Variants in ASXL3 observed in about 807,000 individuals in gnomAD.
The protein encoded by ASXL3 is ASXL transcriptional regulator 3, also known as putative Polycomb group protein ASXL3.
A neutral mutation model predicts 170.6 loss-of-function variants in ASXL3; 34 were observed. The ratio of observed to expected loss-of-function variants is 0.20; its 90% CI spans 0.15 to 0.27. The LOEUF (loss-of-function observed/expected upper bound fraction) is 0.27. ASXL3 is among the 10% of genes least tolerant of loss of function. ASXL3 has a pLI of 1.00. For synonymous variants in ASXL3, 1,002 were observed against 989.1 expected (o/e 1.01, Z -0.24); for missense variants, 2,592 against 2,695.3 (o/e 0.96, Z 0.85).
Position 33,740,068 on chromosome 18 carries a change from A to C in ASXL3, c.2664A>C (p.Glu888Asp), listed in dbSNP as rs754462143. 6.2e-7 allele frequency: 1 copy of C among 1,613,886 alleles called. No homozygotes were observed. Among genetic ancestry groups the C allele is most frequent in the African/African-American group, 1.3e-5 (1 of 74,944 alleles). ...CATTGGAATTATCTGTCTTTTCTGA[A>C]GGGACAGATAATAAGGGAAATGAGC... ...PSPLELSVFS[E>D]GTDNKGNELP... Residue 888 changes from glutamate to aspartate, a missense_variant, in exon 11 of 12, where the codon GAA becomes GAC. Glu to Asp is a conservative substitution (Grantham distance 45). This residue lies in a region of ASXL3 where 2,246 missense variants were observed against 2,219.6 expected (regional missense o/e 1.01). Transcript: ENST00000269197.
intron 8 of ASXL3, among the ~76,000 whole-genome samples, chr18:33,714,789 T>C (rs948443263): frequency 6.6e-6 from 1 of 152,022 alleles, no homozygotes; most frequent in African/African-American, 2.4e-5. Flanking sequence ...GAATTCATAC[T>C]AGGGGAAGGA....
At chr18:33,735,991 G>C (rs2067539138) in intron 10 of ASXL3, among the ~76,000 whole-genome samples, 2 of 103,236 alleles carry the variant, frequency 1.9e-5, no homozygotes, top group African/African-American at 9.5e-5. Context: ...GTGTTTCTAA[G>C]AGCTTTGCAA....
intron 2 of ASXL3, among the ~76,000 whole-genome samples, chr18:33,632,014 T>C (rs898849809): frequency 1.2e-4 from 19 of 152,134 alleles, no homozygotes; most frequent in Non-Finnish European, 2.9e-5. Context: ...GTTCAGGAGT[T>C]GGTATATTGA....
At chr18:33,675,897 C>T (rs1032936990) in intron 7 of ASXL3, among the ~76,000 whole-genome samples, 4 of 151,930 alleles carry the variant, frequency 2.6e-5, no homozygotes, top group African/African-American at 9.7e-5. Context: ...TCCTCAATCT[C>T]AATTTTAAAT....
intron 2 of ASXL3, 94 bp downstream of exon 2, chr18:33,607,770 A>T: frequency 1.0e-6 from 1 of 953,422 alleles, no homozygotes; most frequent in Non-Finnish European, 1.6e-6. Context: ...TTGATATTGT[A>T]GTTGATTGTG....
At chr18:33,727,819 T>C (rs1013857801) in intron 8 of ASXL3, among the ~76,000 whole-genome samples, 17 of 152,220 alleles carry the variant, frequency 1.1e-4, no homozygotes, top group African/African-American at 3.1e-4. Context: ...TAAAACACTT[T>C]ATTGGCATTT....
rs1242113626 is a variant in ASXL3 at position 33,747,422 on chromosome 18, A to C, written c.*827A>C. The C allele has an allele frequency of 6.6e-6, 1 of 152,130 alleles. No individual in the cohort carries two copies. Among genetic ancestry groups the C allele is most frequent in the East Asian group, 1.9e-4 (1 of 5,200 alleles). 9.4% of individuals were successfully genotyped at this position (152,130 alleles called of 1,614,324 possible). On this transcript the variant is annotated 3_prime_UTR_variant, in exon 12 of 12. Transcript: ENST00000269197. Reference sequence around the variant, plus strand: ...TTTTAAGAGCAGGTTTGAAAAAAAAAAAAAAAAGACCCTAAACTTCAAAGC... The same window carrying C: ...TTTTAAGAGCAGGTTTGAAAAAAAACAAAAAAAGACCCTAAACTTCAAAGC...
Position 33,584,786 on chromosome 18 carries a change from CTA to C in ASXL3, c.54+6104_54+6105del, listed in dbSNP as rs2065022331. Among the ~76,000 whole-genome samples the C allele has an allele frequency of 4.6e-5, 7 of 152,212 alleles. No individual in the cohort carries two copies. In the South Asian group the frequency reaches 1.5e-3, roughly 32 times the overall value. ...GATACACCCAATATCATCATCCTGT[CTA>C]TAAAAGCAAGGCTGGGACAATATAT... On this transcript the variant is annotated intron_variant, in intron 1 of 11. Transcript: ENST00000269197.
At chr18:33,641,535 T>C (rs2065847178) in intron 2 of ASXL3, among the ~76,000 whole-genome samples, 1 of 152,108 alleles carries the variant, frequency 6.6e-6, no homozygotes. Flanking sequence ...TTATATTTAT[T>C]ATATAGAAAT....
At chr18:33,708,725 A>G (rs1438624443) in intron 8 of ASXL3, among the ~76,000 whole-genome samples, 3 of 152,318 alleles carry the variant, frequency 2.0e-5, no homozygotes, top group Middle Eastern at 3.4e-3. Context: ...AAATGGTTCC[A>G]GGAGGAAAAA....
intron 5 of ASXL3, among the ~76,000 whole-genome samples, chr18:33,662,257 G>A (rs977119391): frequency 2.0e-5 from 3 of 152,182 alleles, no homozygotes; most frequent in Non-Finnish European, 2.9e-5. Flanking sequence ...CACAGAGGCA[G>A]TACGGGCCTT....
At chr18:33,705,983 A>C (rs577649625) in intron 8 of ASXL3, among the ~76,000 whole-genome samples, 1 of 151,850 alleles carries the variant, frequency 6.6e-6, no homozygotes, top group African/African-American at 2.4e-5. Context: ...TGAACTTTAT[A>C]TACTGGAATC....
chr18:33,658,798 C>G (rs2066124645), intron 4 of ASXL3, among the ~76,000 whole-genome samples: 1 of 151,916 alleles, frequency 6.6e-6, no homozygotes, highest in Non-Finnish European at 1.5e-5. Context: ...TTTCTTGGGT[C>G]TAGAATGGAG....
intron 2 of ASXL3, among the ~76,000 whole-genome samples, chr18:33,618,004 A>C (rs778863997): frequency 3.3e-5 from 5 of 152,102 alleles, no homozygotes; most frequent in Non-Finnish European, 7.4e-5. Context: ...GAATGATTTT[A>C]GTTTTGCTTC....
chr18:33,615,989 A>G (rs1375970096), intron 2 of ASXL3, among the ~76,000 whole-genome samples: 1 of 152,140 alleles, frequency 6.6e-6, no homozygotes, highest in Non-Finnish European at 1.5e-5. Flanking sequence ...TAAATGGTAT[A>G]ACATTGATTA....
intron 1 of ASXL3, among the ~76,000 whole-genome samples, chr18:33,585,326 C>T (rs1460947544): frequency 2.6e-5 from 4 of 152,008 alleles, no homozygotes; most frequent in African/African-American, 4.8e-5. Flanking sequence ...TGGTAGCTGC[C>T]AAAATCTAGC....
chr18:33,733,280 C>G (rs555730430), intron 9 of ASXL3, among the ~76,000 whole-genome samples: 5 of 152,084 alleles, frequency 3.3e-5, no homozygotes, highest in African/African-American at 1.2e-4. Flanking sequence ...CACTTTTAAC[C>G]AAAATGCCTA....
intron 4 of ASXL3, among the ~76,000 whole-genome samples, chr18:33,650,969 T>A (rs2065988568): frequency 6.6e-6 from 1 of 152,106 alleles, no homozygotes; most frequent in Non-Finnish European, 1.5e-5. Flanking sequence ...TTATTTTGTT[T>A]TATTTTTACC....
intron 2 of ASXL3, chr18:33,614,368 G>A (rs913435215): frequency 6.6e-6 from 1 of 152,128 alleles, no homozygotes; most frequent in Non-Finnish European, 1.5e-5. Context: ...TTTATCATGA[G>A]ATTGAAACAG....
Sources: allele counts gnomAD v4.1 joint callset (sites outside exome capture counted in the v4.1 genomes callset), GRCh38; gene constraint gnomAD v4.1.1; regional missense constraint gnomAD v4.1.1; transcripts MANE v1.5; gene names NCBI Gene and HGNC (gene_info 2026-07-23, HGNC 2026-07-21).